USP43: variants seen among roughly 807,000 people sequenced by gnomAD.
USP43 encodes the protein ubiquitin carboxyl-terminal hydrolase 43.
In USP43, 33 loss-of-function variants were observed where a neutral mutation model predicts 90.7. The ratio of observed to expected loss-of-function variants is 0.36; its 90% confidence interval spans 0.28 to 0.49. The LOEUF (loss-of-function observed/expected upper bound fraction) is 0.49, where lower values mean the gene tolerates loss of function less well. Ranked by LOEUF, USP43 falls within the 20% of genes least tolerant of loss-of-function variation. The pLI is 0.98. For synonymous variants in USP43, 598 were observed against 615.8 expected (o/e 0.97, Z 0.43); for missense variants, 1,274 against 1,476.4 (o/e 0.86, Z 2.25).
chr17:9,720,170 G>A (rs1391206949), intron 14 of USP43, among the ~76,000 whole-genome samples: 2 of 151,130 alleles, frequency 1.3e-5, no homozygotes, highest in Admixed American at 6.6e-5. Context: ...TACTAAAAAC[G>A]CAAAAATTAG....
rs200451523 is a variant in USP43 at position 9,666,745 on chromosome 17, A to T, written c.734A>T (p.Gln245Leu). The change falls in exon 3 of 15, where the codon CAA (glutamine) becomes CTA (leucine). Residue 245 changes from glutamine (Q) to leucine (L), a missense_variant. Gln to Leu is a moderately radical substitution (Grantham distance 113). This residue lies in a region of USP43 where 259 missense variants were observed against 373.7 expected (regional missense o/e 0.69). Transcript: ENST00000285199. The stretch of plus-strand genomic sequence containing the variant: ...TTTGTGCAAAGCCACTTTCAAGCAC[A>T]ATATAGGTAAGATGGGGATGTGTTT... ...QSFVQSHFQA[Q>L]YRSSLTCPHC... The T allele has an allele frequency of 2.0e-4, 315 of 1,611,018 alleles. No individual in the cohort carries two copies. Among genetic ancestry groups the T allele is most frequent in the Non-Finnish European group, 2.6e-4 (304 of 1,178,442 alleles).
At chr17:9,656,215 C>T (rs1912233033) in intron 1 of USP43, among the ~76,000 whole-genome samples, 188 bp from the exon 2 acceptor site, 1 of 152,154 alleles carries the variant, frequency 6.6e-6, no homozygotes, top group African/African-American at 2.4e-5. Flanking sequence ...ACCCTCATAC[C>T]ATTTGGGGAC....
intron 5 of USP43, among the ~76,000 whole-genome samples, chr17:9,677,679 A>G (rs1913877658): frequency 6.6e-6 from 1 of 152,212 alleles, no homozygotes; most frequent in Admixed American, 6.5e-5. Flanking sequence ...TGGACACAGT[A>G]TGTGATTGGC....
chr17:9,665,729 C>T lies in USP43; in HGVS notation c.637-919C>T, dbSNP rs113598157. 5.9e-5 allele frequency among the ~76,000 whole-genome samples: 9 copies of T among 152,254 alleles called. 1 individual carries two copies. The highest frequency in any genetic ancestry group is 2.2e-4 in the African/African-American group (9 of 41,540). Reference sequence around the variant, plus strand: ...TTAACCTGGATTATCCCAGTGGGCCCTAAATGCACTACCAGTGTTCTTGTG... The same window carrying T: ...TTAACCTGGATTATCCCAGTGGGCCTTAAATGCACTACCAGTGTTCTTGTG... On this transcript the variant is annotated intron_variant, in intron 2 of 14. Transcript: ENST00000285199.
chr17:9,666,599 G>A (rs760949241), intron 2 of USP43, 49 bp from the exon 3 acceptor site: 1 of 1,469,132 alleles, frequency 6.8e-7, no homozygotes, highest in African/African-American at 1.4e-5. Context: ...AAGCAGTTGA[G>A]TGATGAGAGG....
chr17:9,672,949 C>T (rs73255751), intron 3 of USP43, among the ~76,000 whole-genome samples: 17 of 152,158 alleles, frequency 1.1e-4, no homozygotes, highest in African/African-American at 2.4e-4. Context: ...TCAAACGAGA[C>T]GGGCACTTTC....
At chr17:9,691,213 C>G (rs546835851) in intron 8 of USP43, among the ~76,000 whole-genome samples, 9 of 151,512 alleles carry the variant, frequency 5.9e-5, no homozygotes, top group African/African-American at 2.2e-4. Flanking sequence ...CTCCCAGATT[C>G]AACTGATTCT....
At chr17:9,647,978 G>A (rs1044948522) in intron 1 of USP43, among the ~76,000 whole-genome samples, 3 of 152,096 alleles carry the variant, frequency 2.0e-5, no homozygotes, top group South Asian at 2.1e-4. Flanking sequence ...CCGAGATTGC[G>A]CCACTGCACT....
chr17:9,653,744 C>A (rs568042369), intron 1 of USP43, among the ~76,000 whole-genome samples: 1 of 152,176 alleles, frequency 6.6e-6, no homozygotes, highest in East Asian at 1.9e-4. Flanking sequence ...TGGTGGTGAG[C>A]AGGAGAGTAA....
chr17:9,686,919 G>A lies in USP43; in HGVS notation c.1353+10G>A. 6.2e-7 allele frequency: 1 copy of A among 1,610,250 alleles called. No individual in the cohort carries two copies. Among genetic ancestry groups the A allele is most frequent in the Non-Finnish European group, 8.5e-7 (1 of 1,178,252 alleles). On this transcript the variant is annotated intron_variant, in intron 8 of 14. Coordinates refer to ENST00000285199, the MANE Select transcript of USP43 (RefSeq NM_153210.5). The surrounding 1 kb of genome is among the most constrained non-coding windows in gnomAD (Gnocchi z 5.5). The stretch of plus-strand genomic sequence containing the variant: ...TGAGGCCCCTGTACAGGTCAGTGGT[G>A]TGCATGCGTGTGTGTGTGTGTGCGT...
At chr17:9,712,716 C>T (rs111871768) in intron 14 of USP43, among the ~76,000 whole-genome samples, 1,713 of 152,202 alleles carry the variant, frequency 0.011, 21 homozygotes, top group Non-Finnish European at 0.017. Flanking sequence ...TTAGAACCTA[C>T]CTTTCTGAGC....
At chr17:9,647,061 CAAAAAAAAAAAAA>C (rs11305216) in intron 1 of USP43, 5 of 79,818 alleles carry the variant, frequency 6.3e-5, no homozygotes, top group Non-Finnish European at 1.2e-4. Context: ...TTGCTTCCTG[CAAAAAAAAAAAAA>C]AAAAAAAGAA....
chr17:9,663,138 T>TAA, intron 2 of USP43, among the ~76,000 whole-genome samples: 1 of 147,224 alleles, frequency 6.8e-6, no homozygotes, highest in South Asian at 2.2e-4. Context: ...TATATATATA[T>TAA]AACTCTTTAA....
rs143737304 is a variant in USP43 at position 9,660,391 on chromosome 17, C to T, written c.636+3857C>T. 3.5e-3 allele frequency among the ~76,000 whole-genome samples: 531 copies of T among 152,244 alleles called. 1 individual carries two copies. Among genetic ancestry groups the T allele is most frequent in the South Asian group, 8.1e-3 (39 of 4,822 alleles). ...GCCTCGAACTCCTGACCTCGTGATC[C>T]GCCTGCCTTGGCCTCCCAAAGTGCT... is the stretch of plus-strand genomic sequence containing the variant. On this transcript the variant is annotated intron_variant, in intron 2 of 14. Transcript: ENST00000285199.
chr17:9,647,848 C>CAAAAAAAA (rs35223665), intron 1 of USP43, among the ~76,000 whole-genome samples: 823 of 81,706 alleles, frequency 0.01, 18 homozygotes, highest in African/African-American at 0.02. Context: ...ACTAAAAATC[C>CAAAAAAAA]AAAAAAAAAA....
In USP43 at chr17:9,709,210, G is replaced by A. The variant is rs936702182; in HGVS notation, c.2012-746G>A. ...GAATATTTATGAATTTTCCTTAGAC[G>A]TTTGACTTCAGTTCTTAGAAAGAGG... On this transcript the variant is annotated intron_variant, in intron 12 of 14. Coordinates refer to ENST00000285199, the MANE Select transcript of USP43 (RefSeq NM_153210.5). This position sits in a 1 kb window ranked among gnomAD's most constrained non-coding sequence, Gnocchi z 5.0. 6.6e-6 allele frequency among the ~76,000 whole-genome samples: 1 copy of A among 152,132 alleles called. No individual in the cohort carries two copies. Among genetic ancestry groups the A allele is most frequent in the Admixed American group, 6.5e-5 (1 of 15,268 alleles).
chr17:9,650,356 G>A (rs1026512381), intron 1 of USP43, among the ~76,000 whole-genome samples: 3 of 152,112 alleles, frequency 2.0e-5, no homozygotes, highest in African/African-American at 7.2e-5. Flanking sequence ...TTTAACAAAT[G>A]TGTGAACCTG....
In USP43 at chr17:9,701,098, G is replaced by A. The variant is rs1051951903; in HGVS notation, c.1536-21G>A. ...TGGGAGCAGGAAAGTCCTGAACGCC[G>A]TGGGTGTCCTCTCCGTGCAGCCTGT... On this transcript the variant is annotated intron_variant, in intron 10 of 14. Transcript: ENST00000285199. The surrounding 1 kb of genome is among the most constrained non-coding windows in gnomAD (Gnocchi z 7.2). 1.7e-5 allele frequency: 25 copies of A among 1,450,942 alleles called. No homozygotes were observed. The highest frequency in any genetic ancestry group is 5.6e-5 in the Admixed American group (2 of 35,514). The allele number at this position is 1,450,942 out of a possible 1,614,324, so 89.9% of individuals were successfully genotyped here.
intron 9 of USP43, among the ~76,000 whole-genome samples, 186 bp downstream of exon 9, chr17:9,693,416 A>C (rs55733339): frequency 0.04 from 6,158 of 152,184 alleles, 392 homozygotes; most frequent in African/African-American, 0.14. Context: ...ATGTCTGGAG[A>C]GGCACTATTA....
Sources: allele counts gnomAD v4.1 joint callset (sites outside exome capture counted in the v4.1 genomes callset), GRCh38; gene constraint gnomAD v4.1.1; regional missense constraint gnomAD v4.1.1; non-coding constraint Gnocchi (gnomAD v3.1); transcripts MANE v1.5; gene names NCBI Gene and HGNC (gene_info 2026-07-23, HGNC 2026-07-21).